SEC61A2: variants seen among roughly 807,000 people sequenced by gnomAD.
SEC61A2 encodes SEC61 translocon subunit alpha 2.
In SEC61A2, 28 loss-of-function variants were observed where a neutral mutation model predicts 59.9. The ratio of observed to expected loss-of-function variants is 0.47; its 90% CI spans 0.35 to 0.64. The LOEUF (loss-of-function observed/expected upper bound fraction) is 0.64, where lower values mean the gene tolerates loss of function less well. Among genes scored for constraint, SEC61A2 ranks in the 30% least tolerant of loss-of-function variants. SEC61A2 has a pLI of 0.01. For synonymous variants in SEC61A2, 202 were observed against 214.4 expected (o/e 0.94, Z 0.50); for missense variants, 340 against 585.9 (o/e 0.58, Z 4.33).
Position 12,149,682 on chromosome 10 carries a change from G to C in SEC61A2, c.308G>C (p.Gly103Ala). ...GCTGGAGCCAAAATCATTGAAGTTG[G>C]AGATACACCGAAAGATAGAGCTTTA... ...LLAGAKIIEV[G>A]DTPKDRALFN... Residue 103 changes from glycine to alanine, a missense_variant, in exon 5 of 12, where the codon GGA becomes GCA. By Grantham distance (60) the Gly-to-Ala change is moderately conservative. Around this residue, in one of 3 missense-constraint regions of SEC61A2, gnomAD observed 283 missense variants for 483.2 expected, o/e 0.59. Transcript: ENST00000298428. The surrounding 1 kb of genome is among the most constrained non-coding windows in gnomAD (Gnocchi z 5.2). 1.9e-6 allele frequency: 3 copies of C among 1,614,020 alleles called. No homozygotes were observed. Among genetic ancestry groups the C allele is most frequent in the Non-Finnish European group, 2.5e-6 (3 of 1,179,992 alleles).
At chr10:12,144,769 G>A (rs568714558) in intron 4 of SEC61A2, among the ~76,000 whole-genome samples, 1 of 152,148 alleles carries the variant, frequency 6.6e-6, no homozygotes, top group Non-Finnish European at 1.5e-5. Flanking sequence ...ATTGAGGAGG[G>A]GCCAGGCGCA....
In SEC61A2 at chr10:12,158,231, G is replaced by A. The variant is rs1564415655; in HGVS notation, c.975+126G>A. 6.6e-6 allele frequency: 5 copies of A among 752,446 alleles called. No homozygotes were observed. The highest frequency in any genetic ancestry group is 1.1e-5 in the Non-Finnish European group (5 of 463,842). The allele number at this position is 752,446 out of a possible 1,614,324, so 46.6% of individuals were successfully genotyped here. On this transcript the variant is annotated intron_variant, in intron 9 of 11. Transcript: ENST00000298428. The surrounding 1 kb of genome is among the most constrained non-coding windows in gnomAD (Gnocchi z 5.7). ...ATTTTCAGATTCACTTACCTATATA[G>A]CAGAGTTTAGTACTTATCTGGAAGA...
At position 12,136,036 on chromosome 10, in the gene SEC61A2, C is replaced by G. The variant is rs188256410; in HGVS notation, c.76-69C>G. On this transcript the variant is annotated intron_variant, in intron 2 of 11. Coordinates refer to ENST00000298428, the MANE Select transcript of SEC61A2 (RefSeq NM_018144.4). The stretch of plus-strand genomic sequence containing the variant: ...TAGGCCCCAAAGAATAACCTCAAAA[C>G]TCTGCTGCCCCCCAAAAATTTGCTG... 8 of 989,518 alleles carry G rather than the reference C, an allele frequency of 8.1e-6. No individual in the cohort carries two copies. The East Asian group carries it at 1.9e-4, about 24-fold the overall frequency. The allele number at this position is 989,518 out of a possible 1,614,324, so 61.3% of individuals were successfully genotyped here. A position where few individuals can be genotyped will look rare whatever the true frequency, so the allele number is the denominator to read the frequency against.
Position 12,158,895 on chromosome 10 carries a change from T to C in SEC61A2, c.975+790T>C, listed in dbSNP as rs1221341356. Among the ~76,000 whole-genome samples the C allele has an allele frequency of 1.3e-5, 2 of 152,196 alleles. No homozygotes were observed. Among genetic ancestry groups the C allele is most frequent in the South Asian group, 2.1e-4 (1 of 4,834 alleles). On this transcript the variant is annotated intron_variant, in intron 9 of 11. Coordinates refer to ENST00000298428, the MANE Select transcript of SEC61A2 (RefSeq NM_018144.4). The surrounding 1 kb of genome is among the most constrained non-coding windows in gnomAD (Gnocchi z 5.7). ...TGAGCTGGGCTAGAGATAGGCATGC[T>C]ATTAACTAGACGGTAGAGACAGCGG...
chr10:12,153,874 T>C lies in SEC61A2; in HGVS notation c.463-1904T>C. ...ATTTCTCACCTTATTTGTTTATGTT[T>C]CATTCACGTGGTTAGTGTTTTTCAG... On this transcript the variant is annotated intron_variant, in intron 6 of 11. Coordinates refer to ENST00000298428, the MANE Select transcript of SEC61A2 (RefSeq NM_018144.4). This position sits in a 1 kb window ranked among gnomAD's most constrained non-coding sequence, Gnocchi z 5.2. The C allele has an allele frequency of 2.1e-6, 3 of 1,445,386 alleles. No homozygotes were observed. Among genetic ancestry groups the C allele is most frequent in the Non-Finnish European group, 1.9e-6 (2 of 1,071,976 alleles). 89.5% of individuals were successfully genotyped at this position (1,445,386 alleles called of 1,614,324 possible). A position where few individuals can be genotyped will look rare whatever the true frequency, so the allele number is the denominator to read the frequency against.
Position 12,149,888 on chromosome 10 carries a change from T to C in SEC61A2, c.389T>C (p.Val130Ala), listed in dbSNP as rs764176363. The C allele has an allele frequency of 6.2e-7, 1 of 1,614,170 alleles. No homozygotes were observed. Among genetic ancestry groups the C allele is most frequent in the Non-Finnish European group, 8.5e-7 (1 of 1,180,000 alleles). ...GMIITIGQAI[V>A]YVMTGMYGDP... The stretch of plus-strand genomic sequence containing the variant: ...ATCATTACCATTGGGCAAGCCATTG[T>C]GTATGTCATGACGGGGATGTATGGG... Residue 130 changes from valine to alanine, a missense_variant, in exon 6 of 12, where the codon GTG becomes GCG. By Grantham distance (64) the Val-to-Ala change is moderately conservative. Around this residue, in one of 3 missense-constraint regions of SEC61A2, gnomAD observed 283 missense variants for 483.2 expected, o/e 0.59. Transcript: ENST00000298428. This position sits in a 1 kb window ranked among gnomAD's most constrained non-coding sequence, Gnocchi z 5.2.
Position 12,145,343 on chromosome 10 carries a change from A to G in SEC61A2, c.220+2148A>G, listed in dbSNP as rs1054633340. Reference sequence around the variant, plus strand: ...GATAGAATGAATTTCTAGAAGTTCAACTGTTGGGTCACAAGATAGGCATAC... The same window carrying G: ...GATAGAATGAATTTCTAGAAGTTCAGCTGTTGGGTCACAAGATAGGCATAC... On this transcript the variant is annotated intron_variant, in intron 4 of 11. Coordinates refer to ENST00000298428, the MANE Select transcript of SEC61A2 (RefSeq NM_018144.4). The surrounding 1 kb of genome is among the most constrained non-coding windows in gnomAD (Gnocchi z 4.4). 6.6e-6 allele frequency among the ~76,000 whole-genome samples: 1 copy of G among 152,254 alleles called. No individual in the cohort carries two copies. The highest frequency in any genetic ancestry group is 1.5e-5 in the Non-Finnish European group (1 of 68,046).
Position 12,157,915 on chromosome 10 carries a change from G to A in SEC61A2, c.785G>A (p.Arg262His). Residue 262 changes from arginine (R) to histidine (H), a missense_variant, in exon 9 of 12, where the codon CGC becomes CAC. Transcript: ENST00000298428. The part of the protein sequence containing the change: ...FAVVIYFQGF[R>H]VDLPIKSARY... ...CTCCGTTTCCTTTTTTAGGGATTTC[G>A]CGTTGATCTGCCCATTAAGTCGGCC... 4 of 1,613,750 alleles carry A rather than the reference G, an allele frequency of 2.5e-6. No homozygotes were observed. The highest frequency in any genetic ancestry group is 1.7e-6 in the Non-Finnish European group (2 of 1,179,960).
intron 2 of SEC61A2, 102 bp downstream of exon 2, chr10:12,133,410 G>A (rs1479065467): frequency 1.4e-5 from 8 of 583,410 alleles, no homozygotes; most frequent in Non-Finnish European, 2.5e-5. Flanking sequence ...GTTGGTAATT[G>A]GAAAACTATT....
intron 2 of SEC61A2, among the ~76,000 whole-genome samples, chr10:12,133,727 C>T (rs903290118): frequency 3.9e-5 from 6 of 152,206 alleles, no homozygotes; most frequent in Admixed American, 3.9e-4. Flanking sequence ...AAATGAATTG[C>T]ATTTGCACAA....
At chr10:12,148,089 C>T (rs1440810986) in intron 4 of SEC61A2, among the ~76,000 whole-genome samples, 2 of 151,774 alleles carry the variant, frequency 1.3e-5, no homozygotes, top group African/African-American at 4.8e-5. Context: ...TACAGGCGCC[C>T]ACCACCATGC....
chr10:12,145,818 A>C lies in SEC61A2; in HGVS notation c.220+2623A>C, dbSNP rs1231881799. ...TTTAAATAAAGGAGAAAAATTAAGG[A>C]ATAGGAAATCACTGACTAGCTTAAA... On this transcript the variant is annotated intron_variant, in intron 4 of 11. Transcript: ENST00000298428. This position sits in a 1 kb window ranked among gnomAD's most constrained non-coding sequence, Gnocchi z 4.4. 1.3e-5 allele frequency among the ~76,000 whole-genome samples: 2 copies of C among 152,170 alleles called. No individual in the cohort carries two copies. The highest frequency in any genetic ancestry group is 4.8e-5 in the African/African-American group (2 of 41,440).
chr10:12,134,307 A>G (rs1453198699), intron 2 of SEC61A2, among the ~76,000 whole-genome samples: 1 of 141,008 alleles, frequency 7.1e-6, no homozygotes, highest in East Asian at 2.0e-4. Flanking sequence ...GCGCCCGGCT[A>G]GAAGTATTTT....
At chr10:12,147,407 G>C (rs1288137491) in intron 4 of SEC61A2, among the ~76,000 whole-genome samples, 1 of 152,154 alleles carries the variant, frequency 6.6e-6, no homozygotes, top group African/African-American at 2.4e-5. Flanking sequence ...CATGGAGGCT[G>C]GGCACAGTGG....
chr10:12,154,095 A>T lies in SEC61A2; in HGVS notation c.463-1683A>T, dbSNP rs551509692. Among the ~76,000 whole-genome samples the T allele has an allele frequency of 2.0e-4, 30 of 152,348 alleles. No individual in the cohort carries two copies. Among genetic ancestry groups the T allele is most frequent in the Middle Eastern group, 3.4e-3 (1 of 294 alleles). On this transcript the variant is annotated intron_variant, in intron 6 of 11. Transcript: ENST00000298428. This position sits in a 1 kb window ranked among gnomAD's most constrained non-coding sequence, Gnocchi z 5.2. ...TTAAGTGCCATGTTTATACCGGCTC[A>T]TCATACATGTCGTCCATTCCCCGTG...
rs1404617039 is a variant in SEC61A2 at position 12,158,564 on chromosome 10, C to A, written c.975+459C>A. ...TGGCCACATGGTGAAACCCCGTCTCCACTAAAAATACAAAAATTAGCCAGG... is the reference window on the plus strand; with the variant it reads ...TGGCCACATGGTGAAACCCCGTCTCAACTAAAAATACAAAAATTAGCCAGG... On this transcript the variant is annotated intron_variant, in intron 9 of 11. Transcript: ENST00000298428. This position sits in a 1 kb window ranked among gnomAD's most constrained non-coding sequence, Gnocchi z 5.7. Among the ~76,000 whole-genome samples, 1 of 151,822 alleles carries A rather than the reference C, an allele frequency of 6.6e-6. No individual in the cohort carries two copies. Among genetic ancestry groups the A allele is most frequent in the South Asian group, 2.1e-4 (1 of 4,806 alleles).
At chr10:12,132,520 A>G (rs546140150) in intron 1 of SEC61A2, among the ~76,000 whole-genome samples, 1 of 151,910 alleles carries the variant, frequency 6.6e-6, no homozygotes, top group Non-Finnish European at 1.5e-5. Flanking sequence ...AGGCTGAGGC[A>G]GGAGAATCAC....
chr10:12,164,836 G>C lies in SEC61A2; in HGVS notation c.*382G>C, dbSNP rs1834627077. 2 of 1,004,014 alleles carry C rather than the reference G, an allele frequency of 2.0e-6. No individual in the cohort carries two copies. The highest frequency in any genetic ancestry group is 3.5e-5 in the African/African-American group (2 of 57,422). The allele number at this position is 1,004,014 out of a possible 1,614,324, so 62.2% of individuals were successfully genotyped here. On this transcript the variant is annotated 3_prime_UTR_variant, in exon 12 of 12. Coordinates refer to ENST00000298428, the MANE Select transcript of SEC61A2 (RefSeq NM_018144.4). This position sits in a 1 kb window ranked among gnomAD's most constrained non-coding sequence, Gnocchi z 7.3. Reference sequence around the variant, plus strand: ...ATGTAGTTCAAATTGCCACTTTCCAGTATTTTTGAGCTTATTTAATGAGTT... The same window carrying C: ...ATGTAGTTCAAATTGCCACTTTCCACTATTTTTGAGCTTATTTAATGAGTT...
At chr10:12,146,821 T>G (rs1043131402) in intron 4 of SEC61A2, among the ~76,000 whole-genome samples, 1 of 152,080 alleles carries the variant, frequency 6.6e-6, no homozygotes, top group Non-Finnish European at 1.5e-5. Flanking sequence ...CCCAGCCAGT[T>G]TGTTCACTTT....
Sources: gnomAD v4.1 joint callset for allele counts (sites outside exome capture counted in the v4.1 genomes callset) on GRCh38, gnomAD v4.1.1 for gene constraint, gnomAD v4.1.1 regional missense constraint, Gnocchi (gnomAD v3.1) non-coding constraint, MANE v1.5 for transcripts, NCBI Gene and HGNC (gene_info 2026-07-23, HGNC 2026-07-21) for gene names.